The following MAGI1 variants were observed in gnomAD, a reference collection of about 807,000 sequenced individuals.
The protein encoded by MAGI1 is membrane associated guanylate kinase, WW and PDZ domain containing 1.
Under a neutral mutation model 139.9 loss-of-function variants are expected in MAGI1, and 58 were observed. That is an observed-to-expected ratio of 0.41 (90% confidence interval 0.34 to 0.52). The LOEUF (loss-of-function observed/expected upper bound fraction) is 0.52. Ranked by LOEUF, MAGI1 falls within the 20% of genes least tolerant of loss-of-function variation. The probability of loss-of-function intolerance (pLI) is 0.12; values close to 1 mark genes in which losing one functional copy is unlikely to be tolerated. For synonymous variants in MAGI1, 812 were observed against 737.9 expected, an observed-to-expected ratio of 1.10 and a Z score of -1.63; for missense variants, 1,874 against 1,901.6, an observed-to-expected ratio of 0.99 and a Z score of 0.27.
intron 1 of MAGI1, among the ~76,000 whole-genome samples, chr3:65,850,606 C>A (rs1361654832): frequency 6.6e-6 from 1 of 152,118 alleles, no homozygotes; most frequent in Non-Finnish European, 1.5e-5. Context: ...GAATAGAACT[C>A]AAGCTGTCAA....
At chr3:65,931,279 C>G (rs531565230) in intron 1 of MAGI1, among the ~76,000 whole-genome samples, 19 of 152,276 alleles carry the variant, frequency 1.2e-4, no homozygotes, top group African/African-American at 3.8e-4. Context: ...GTGATCCACC[C>G]GCCTCAGCCT....
chr3:65,883,130 A>C (rs758338130), intron 1 of MAGI1, among the ~76,000 whole-genome samples: 8 of 152,236 alleles, frequency 5.3e-5, no homozygotes, highest in Non-Finnish European at 8.8e-5. Flanking sequence ...AGCTGTAGTA[A>C]AACGTCACAG....
rs773262025 is a variant in MAGI1 at position 65,375,894 on chromosome 3, C to G, written c.3047G>C (p.Ser1016Thr). Residue 1016 changes from serine to threonine, a missense_variant, in exon 18 of 23, where the codon AGC (serine) becomes ACC (threonine). Ser to Thr is a moderately conservative substitution (Grantham distance 58, BLOSUM62 1). Around this residue, in one of 5 missense-constraint regions of MAGI1, gnomAD observed 653 missense variants for 644.5 expected, o/e 1.01. Coordinates refer to ENST00000402939, the MANE Select transcript of MAGI1 (RefSeq NM_001033057.2). Reference sequence around the variant, plus strand: ...CAGCTTGCCACAGCGGTCAGCAGGGCTCCCCTCAATAATCCGACCTATTTT... The same window carrying G: ...CAGCTTGCCACAGCGGTCAGCAGGGGTCCCCTCAATAATCCGACCTATTTT... ...PHKIGRIIEGSPADRCGKLKV... is the reference protein window; with the variant it reads ...PHKIGRIIEGTPADRCGKLKV... 8 of 1,613,980 alleles carry G rather than the reference C, an allele frequency of 5.0e-6. No individual in the cohort carries two copies. The highest frequency in any genetic ancestry group is 1.3e-5 in the African/African-American group (1 of 74,888).
chr3:65,590,769 A>G (rs2081931949), intron 2 of MAGI1, among the ~76,000 whole-genome samples: 10 of 152,154 alleles, frequency 6.6e-5, no homozygotes, highest in Non-Finnish European at 1.5e-5. Context: ...ATAAATTCCT[A>G]CATCTTCCAG....
At chr3:65,992,499 C>A (rs1157345769) in intron 1 of MAGI1, among the ~76,000 whole-genome samples, 1 of 152,306 alleles carries the variant, frequency 6.6e-6, no homozygotes, top group Non-Finnish European at 1.5e-5. Context: ...GAAAGCAGTA[C>A]CTTTCCCTTG....
At chr3:65,733,411 C>A (rs1031694977) in intron 1 of MAGI1, among the ~76,000 whole-genome samples, 7 of 152,116 alleles carry the variant, frequency 4.6e-5, no homozygotes, top group Non-Finnish European at 7.4e-5. Flanking sequence ...ATGTAAAAAT[C>A]TCTATATTTT....
intron 1 of MAGI1, among the ~76,000 whole-genome samples, chr3:65,721,163 A>G (rs553855436): frequency 6.6e-6 from 1 of 152,198 alleles, no homozygotes; most frequent in Admixed American, 6.5e-5. Flanking sequence ...GCTTTTAACT[A>G]ATATGTTTGC....
intron 4 of MAGI1, among the ~76,000 whole-genome samples, chr3:65,474,135 C>T (rs1462545614): frequency 1.3e-5 from 2 of 152,046 alleles, no homozygotes; most frequent in Admixed American, 6.6e-5. Flanking sequence ...TGTAGTGGCA[C>T]GTGTCCATAG....
intron 1 of MAGI1, among the ~76,000 whole-genome samples, chr3:65,863,347 G>A (rs1292989934): frequency 6.6e-6 from 1 of 152,200 alleles, no homozygotes; most frequent in Non-Finnish European, 1.5e-5. Context: ...AGGACTTCTG[G>A]AGAGAGAGGC....
At chr3:65,900,771 C>T (rs1441215522) in intron 1 of MAGI1, among the ~76,000 whole-genome samples, 2 of 152,220 alleles carry the variant, frequency 1.3e-5, no homozygotes, top group Non-Finnish European at 2.9e-5. Flanking sequence ...AACGCCATTA[C>T]GCTGGCCACA....
chr3:66,005,563 T>C (rs575387896), intron 1 of MAGI1, among the ~76,000 whole-genome samples: 1 of 152,232 alleles, frequency 6.6e-6, no homozygotes, highest in Non-Finnish European at 1.5e-5. Flanking sequence ...CTTTAGCACT[T>C]CCCACTCAGC....
Position 65,762,456 on chromosome 3 carries a change from G to A in MAGI1, c.314-140368C>T, listed in dbSNP as rs570633823. On this transcript the variant is annotated intron_variant, in intron 1 of 22. Coordinates refer to ENST00000402939, the MANE Select transcript of MAGI1 (RefSeq NM_001033057.2). ...GTGAAGTACAAAGAATGGGAAGGCG[G>A]AAAAAAAAAACAGGAAGAAAAAACA... Among the ~76,000 whole-genome samples, 107 of 145,188 alleles carry A rather than the reference G, an allele frequency of 7.4e-4. No homozygotes were observed. In the East Asian group the frequency reaches 0.019, roughly 25 times the overall value.
intron 1 of MAGI1, among the ~76,000 whole-genome samples, chr3:66,003,429 G>A (rs1265399760): frequency 1.3e-5 from 2 of 152,018 alleles, no homozygotes; most frequent in African/African-American, 2.4e-5. Flanking sequence ...GCCAAGGTGG[G>A]TGGATCACAA....
At chr3:65,887,389 GAAA>G (rs11364374) in intron 1 of MAGI1, among the ~76,000 whole-genome samples, 7,708 of 121,298 alleles carry the variant, frequency 0.064, 244 homozygotes, top group Middle Eastern at 0.14. Flanking sequence ...ACTGATACCA[GAAA>G]AAAAAAAAAA....
chr3:65,664,796 C>A (rs888139202), intron 1 of MAGI1, among the ~76,000 whole-genome samples: 6 of 152,138 alleles, frequency 3.9e-5, no homozygotes, highest in Non-Finnish European at 8.8e-5. Context: ...ACACTGTGAA[C>A]AAATGTGCTT....
intron 1 of MAGI1, among the ~76,000 whole-genome samples, chr3:65,776,552 T>A (rs550455117): frequency 1.3e-5 from 2 of 152,286 alleles, no homozygotes; most frequent in South Asian, 2.1e-4. Context: ...ACATCTGGGG[T>A]GATTTTCTGG....
intron 1 of MAGI1, among the ~76,000 whole-genome samples, chr3:65,672,827 C>T (rs577643023): frequency 3.4e-4 from 52 of 152,134 alleles, no homozygotes; most frequent in Middle Eastern, 3.4e-3. Flanking sequence ...AAGGGTGGGC[C>T]CTAACCACTA....
intron 2 of MAGI1, among the ~76,000 whole-genome samples, chr3:65,615,589 C>A (rs2083328874): frequency 6.6e-6 from 1 of 152,148 alleles, no homozygotes; most frequent in Non-Finnish European, 1.5e-5. Flanking sequence ...AGGAGGGTTC[C>A]AGGGATGCTC....
At chr3:65,405,528 A>G (rs756935310) in intron 12 of MAGI1, among the ~76,000 whole-genome samples, 4 of 152,182 alleles carry the variant, frequency 2.6e-5, no homozygotes, top group Non-Finnish European at 4.4e-5. Context: ...CTACATCAAG[A>G]AAAGCTTTAT....
Sources: gnomAD v4.1 joint callset for allele counts (sites outside exome capture counted in the v4.1 genomes callset) on GRCh38, gnomAD v4.1.1 for gene constraint, gnomAD v4.1.1 regional missense constraint, MANE v1.5 for transcripts, NCBI Gene and HGNC (gene_info 2026-07-23, HGNC 2026-07-21) for gene names.